Variants in ANGPTL2 observed in about 807,000 individuals in gnomAD.
ANGPTL2 encodes the protein angiopoietin like 2, also known as angiopoietin-related protein 2.
A neutral mutation model predicts 52.8 loss-of-function variants in ANGPTL2; 25 were observed. The ratio of observed to expected loss-of-function variants is 0.47; its 90% CI spans 0.35 to 0.66. The LOEUF is 0.66. Ranked by LOEUF, ANGPTL2 falls within the 30% of genes least tolerant of loss-of-function variation. ANGPTL2 has a pLI of 0.01. For missense variants in ANGPTL2, 546 were observed against 656.9 expected, an observed-to-expected ratio of 0.83 and a Z score of 1.84; for synonymous variants, 276 against 277.4, an observed-to-expected ratio of 1.00 and a Z score of 0.05.
intron 2 of ANGPTL2, among the ~76,000 whole-genome samples, chr9:127,104,554 A>G (rs1316052156): frequency 2.0e-5 from 3 of 152,234 alleles, no homozygotes; most frequent in African/African-American, 7.2e-5. Context: ...TGAGAGACAC[A>G]GGACAAAGCC....
intron 1 of ANGPTL2, among the ~76,000 whole-genome samples, chr9:127,114,491 G>T (rs1188037144): frequency 2.6e-5 from 4 of 152,210 alleles, no homozygotes; most frequent in Non-Finnish European, 4.4e-5. Context: ...CTCTAGGCAG[G>T]ACGACGACAG....
Position 127,108,716 on chromosome 9 carries a change from C to T in ANGPTL2, c.16G>A (p.Val6Met), listed in dbSNP as rs555198827. Residue 6 changes from valine (V) to methionine (M), a missense_variant, in exon 2 of 5, where the codon GTG (valine) becomes ATG (methionine). Around this residue, in one of 2 missense-constraint regions of ANGPTL2, gnomAD observed 285 missense variants for 295.8 expected, o/e 0.96. Transcript: ENST00000373425. ...AGCAGTCCGAGCCACCAGCATGTCA[C>T]GCACAGTGGCCTCATGGTCCTTGCA... Reference protein sequence around the residue: MRPLCVTCWWLGLLAA... With the variant: MRPLCMTCWWLGLLAA... 1.4e-5 allele frequency: 22 copies of T among 1,608,254 alleles called. 2 individuals carry two copies. The highest frequency in any genetic ancestry group is 1.8e-4 in the Middle Eastern group (1 of 5,576).
In ANGPTL2 at chr9:127,108,218, G is replaced by C. The variant is rs748996232; in HGVS notation, c.514C>G (p.Leu172Val). The C allele has an allele frequency of 2.5e-6, 4 of 1,614,122 alleles. No individual in the cohort carries two copies. The highest frequency in any genetic ancestry group is 3.4e-6 in the Non-Finnish European group (4 of 1,180,014). Residue 172 changes from leucine (L) to valine (V), a missense_variant, in exon 2 of 5, where the codon CTG becomes GTG. Leu to Val is a conservative substitution (Grantham distance 32, BLOSUM62 1). Transcript: ENST00000373425. Reference sequence around the variant, plus strand: ...TCCAGGTCCTTGTACTTGCTGGCCAGCTGCAGCATGTCGGCTGTCTGGTTC... The same window carrying C: ...TCCAGGTCCTTGTACTTGCTGGCCACCTGCAGCATGTCGGCTGTCTGGTTC... ...ILNQTADMLQ[L>V]ASKYKDLEHK...
chr9:127,093,944 C>G lies in ANGPTL2; in HGVS notation c.818-18G>C, dbSNP rs867382. The G allele has an allele frequency of 0.04, 64,133 of 1,611,310 alleles. 1,500 individuals carry two copies. Among genetic ancestry groups the G allele is most frequent in the Non-Finnish European group, 0.047 (55,772 of 1,179,050 alleles). ...CCATGGGCCTGGGGACACAGACATG[C>G]ATATACATCACAGACCTGCCTGTCA... is the stretch of plus-strand genomic sequence containing the variant. On this transcript the variant is annotated intron_variant, in intron 2 of 4. Transcript: ENST00000373425.
In ANGPTL2 at chr9:127,122,073, G is replaced by A. The variant is rs1251911224; in HGVS notation, c.-50+242C>T. Among the ~76,000 whole-genome samples, 2 of 152,202 alleles carry A rather than the reference G, an allele frequency of 1.3e-5. No individual in the cohort carries two copies. Among genetic ancestry groups the A allele is most frequent in the Non-Finnish European group, 2.9e-5 (2 of 68,038 alleles). The stretch of plus-strand genomic sequence containing the variant: ...CTCTTTGTCCAAAAGAGGAGAGTGA[G>A]GCTTACTCATGAAGTCCTCGAGATG... On this transcript the variant is annotated intron_variant, in intron 1 of 4. Coordinates refer to ENST00000373425, the MANE Select transcript of ANGPTL2 (RefSeq NM_012098.3). This position sits in a 1 kb window ranked among gnomAD's most constrained non-coding sequence, Gnocchi z 6.4.
chr9:127,088,943 T>C lies in ANGPTL2; in HGVS notation c.1478A>G (p.His493Arg). 1.2e-6 allele frequency: 2 copies of C among 1,614,104 alleles called. No individual in the cohort carries two copies. Among genetic ancestry groups the C allele is most frequent in the East Asian group, 2.2e-5 (1 of 44,882 alleles). Reference protein sequence around the residue: ...MMIRPNPNTFH With the variant: ...MMIRPNPNTFR Reference sequence around the variant, plus strand: ...AGGTCAGGAGGGGGAGCTGGCTTAGTGGAAGGTGTTGGGGTTCGGTCGGAT... The same window carrying C: ...AGGTCAGGAGGGGGAGCTGGCTTAGCGGAAGGTGTTGGGGTTCGGTCGGAT... Residue 493 changes from histidine to arginine, a missense_variant, in exon 5 of 5, where the codon CAC becomes CGC. By Grantham distance (29) the His-to-Arg change is conservative (BLOSUM62 0). Around this residue, in one of 2 missense-constraint regions of ANGPTL2, gnomAD observed 261 missense variants for 361.0 expected, o/e 0.72. Coordinates refer to ENST00000373425, the MANE Select transcript of ANGPTL2 (RefSeq NM_012098.3).
rs2052433266 is a variant in ANGPTL2, at chr9:127,091,266, GGTGGGGCCAGCACTGGAGCCCAGGT to G, written c.1282+379_1282+403del. Among the ~76,000 whole-genome samples the G allele has an allele frequency of 6.6e-6, 1 of 152,256 alleles. No homozygotes were observed. The highest frequency in any genetic ancestry group is 6.5e-5 in the Admixed American group (1 of 15,288). On this transcript the variant is annotated intron_variant, in intron 4 of 4. Coordinates refer to ENST00000373425, the MANE Select transcript of ANGPTL2 (RefSeq NM_012098.3). The surrounding 1 kb of genome is among the most constrained non-coding windows in gnomAD (Gnocchi z 4.3). ...GCCCAAGGACACATGGCTGGTAGGA[GGTGGGGCCAGCACTGGAGCCCAGGT>G]GTGTGGCCCAGAGCCTACGCAGTTG...
In ANGPTL2 at chr9:127,087,663, T is replaced by C. The variant is rs1469624034; in HGVS notation, c.*1276A>G. On this transcript the variant is annotated 3_prime_UTR_variant, in exon 5 of 5. Transcript: ENST00000373425. ...GACTCAGAAAGCCACCATGCTGCAG[T>C]GCATCAACCAAGGGGTCCGGTGACC... 1 of 152,324 alleles carries C rather than the reference T, an allele frequency of 6.6e-6. No homozygotes were observed. The highest frequency in any genetic ancestry group is 1.5e-5 in the Non-Finnish European group (1 of 68,034). The allele number at this position is 152,324 out of a possible 1,614,324, so 9.4% of individuals were successfully genotyped here. A position where few individuals can be genotyped will look rare whatever the true frequency, so the allele number is the denominator to read the frequency against.
intron 1 of ANGPTL2, among the ~76,000 whole-genome samples, chr9:127,109,752 C>T (rs754253116): frequency 3.9e-5 from 6 of 152,210 alleles, no homozygotes; most frequent in Non-Finnish European, 5.9e-5. Flanking sequence ...CCTCATGGGG[C>T]TTTCACATCA....
At chr9:127,089,435 G>A (rs1021474419) in intron 4 of ANGPTL2, among the ~76,000 whole-genome samples, 3 of 152,234 alleles carry the variant, frequency 2.0e-5, no homozygotes, top group Admixed American at 6.5e-5. Flanking sequence ...GCGGCTCTGA[G>A]GATTGAATGA....
At position 127,091,571 on chromosome 9, in the gene ANGPTL2, C is replaced by A; in HGVS notation, c.1282+99G>T. 5 of 1,499,796 alleles carry A rather than the reference C, an allele frequency of 3.3e-6. No individual in the cohort carries two copies. The highest frequency in any genetic ancestry group is 3.6e-6 in the Non-Finnish European group (4 of 1,117,196). 92.9% of individuals were successfully genotyped at this position (1,499,796 alleles called of 1,614,324 possible). ...CAGCTTGGCCCAGCTGCTTCTCACC[C>A]TGGGATCTTCCCGTTTCCAAGCCCT... is the stretch of plus-strand genomic sequence containing the variant. On this transcript the variant is annotated intron_variant, in intron 4 of 4. Coordinates refer to ENST00000373425, the MANE Select transcript of ANGPTL2 (RefSeq NM_012098.3). This position sits in a 1 kb window ranked among gnomAD's most constrained non-coding sequence, Gnocchi z 4.3.
Position 127,088,793 on chromosome 9 carries a change from T to C in ANGPTL2, c.*146A>G. On this transcript the variant is annotated 3_prime_UTR_variant, in exon 5 of 5. Coordinates refer to ENST00000373425, the MANE Select transcript of ANGPTL2 (RefSeq NM_012098.3). Reference sequence around the variant, plus strand: ...GTATCGATTCAGTTCCATCATCCGCTGCAGTGACTTCGGAAAACAGAATCC... The same window carrying C: ...GTATCGATTCAGTTCCATCATCCGCCGCAGTGACTTCGGAAAACAGAATCC... The C allele has an allele frequency of 4.5e-6, 4 of 888,364 alleles. No homozygotes were observed. The highest frequency in any genetic ancestry group is 1.7e-5 in the African/African-American group (1 of 60,018). 55.0% of individuals were successfully genotyped at this position (888,364 alleles called of 1,614,324 possible).
rs1240811205 is a variant in ANGPTL2, at chr9:127,107,324, G to A, written c.817+591C>T. On this transcript the variant is annotated intron_variant, in intron 2 of 4. Transcript: ENST00000373425. ...TTCCTCCCCCATAACGGTATTCGGA[G>A]AATTGCTGTATTTTAAGATGAAACG... 2.6e-5 allele frequency among the ~76,000 whole-genome samples: 4 copies of A among 152,302 alleles called. No homozygotes were observed. In the East Asian group the frequency reaches 7.7e-4, roughly 29 times the overall value.
At position 127,091,144 on chromosome 9, in the gene ANGPTL2, T is replaced by C. The variant is rs987737423; in HGVS notation, c.1282+526A>G. ...GTGCCAAATCCTAGACAAAGCACTT[T>C]AGGTACATTCTCTCTACCCTTCTCC... On this transcript the variant is annotated intron_variant, in intron 4 of 4. Coordinates refer to ENST00000373425, the MANE Select transcript of ANGPTL2 (RefSeq NM_012098.3). This position sits in a 1 kb window ranked among gnomAD's most constrained non-coding sequence, Gnocchi z 4.3. Among the ~76,000 whole-genome samples, 4 of 152,242 alleles carry C rather than the reference T, an allele frequency of 2.6e-5. No homozygotes were observed. Among genetic ancestry groups the C allele is most frequent in the Non-Finnish European group, 5.9e-5 (4 of 68,036 alleles).
chr9:127,088,816 T>C lies in ANGPTL2; in HGVS notation c.*123A>G. On this transcript the variant is annotated 3_prime_UTR_variant, in exon 5 of 5. Coordinates refer to ENST00000373425, the MANE Select transcript of ANGPTL2 (RefSeq NM_012098.3). ...GCTGCAGTGACTTCGGAAAACAGAA[T>C]CCAGCATCCCGGTCCTCCCAGCCTC... 4.4e-6 allele frequency: 5 copies of C among 1,149,346 alleles called. No homozygotes were observed. The South Asian group carries it at 7.2e-5, about 17-fold the overall frequency. 71.2% of individuals were successfully genotyped at this position (1,149,346 alleles called of 1,614,324 possible).
At chr9:127,107,231 A>T (rs2137054458) in intron 2 of ANGPTL2, 1 of 152,388 alleles carries the variant, frequency 6.6e-6, no homozygotes, top group Non-Finnish European at 1.5e-5. Context: ...GGAGTTAATT[A>T]TGTAACATAC....
At chr9:127,118,148 G>A (rs1426520450) in intron 1 of ANGPTL2, among the ~76,000 whole-genome samples, 10 of 152,140 alleles carry the variant, frequency 6.6e-5, no homozygotes, top group African/African-American at 2.2e-4. Context: ...TCCGCCTCCC[G>A]GGTTCAAGGG....
In ANGPTL2 at chr9:127,108,286, C is replaced by G. The variant is rs752053998; in HGVS notation, c.446G>C (p.Arg149Pro). Residue 149 changes from arginine (R) to proline (P), a missense_variant, in exon 2 of 5, where the codon CGG (arginine) becomes CCG (proline). Around this residue, in one of 2 missense-constraint regions of ANGPTL2, gnomAD observed 285 missense variants for 295.8 expected, o/e 0.96. Transcript: ENST00000373425. ...CTGGGAGAGCTCCAACGCGTTGTCCCGCTTGCGGATGATCTCGTGCAGGAG... is the reference window on the plus strand; with the variant it reads ...CTGGGAGAGCTCCAACGCGTTGTCCGGCTTGCGGATGATCTCGTGCAGGAG... ...MQLLHEIIRK[R>P]DNALELSQLE... 6.2e-7 allele frequency: 1 copy of G among 1,613,866 alleles called. No individual in the cohort carries two copies. The highest frequency in any genetic ancestry group is 8.5e-7 in the Non-Finnish European group (1 of 1,179,992).
Position 127,111,417 on chromosome 9 carries a change from A to G in ANGPTL2, c.-49-2637T>C, listed in dbSNP as rs188485454. 1.6e-4 allele frequency among the ~76,000 whole-genome samples: 25 copies of G among 152,332 alleles called. No individual in the cohort carries two copies. The East Asian group carries it at 4.6e-3, about 28-fold the overall frequency. The stretch of plus-strand genomic sequence containing the variant: ...TTGTGTTGGTCACTGCTCCATGTGC[A>G]GTGCCTACCACGTGGCCTGAAATAC... On this transcript the variant is annotated intron_variant, in intron 1 of 4. Transcript: ENST00000373425.
Sources: gnomAD v4.1 joint callset for allele counts (sites outside exome capture counted in the v4.1 genomes callset) on GRCh38, gnomAD v4.1.1 for gene constraint, gnomAD v4.1.1 regional missense constraint, Gnocchi (gnomAD v3.1) non-coding constraint, MANE v1.5 for transcripts, NCBI Gene and HGNC (gene_info 2026-07-23, HGNC 2026-07-21) for gene names.